CLTCL1: variants seen among roughly 807,000 people sequenced by gnomAD.
CLTCL1 encodes the protein clathrin heavy chain 2.
CLTCL1 carries 159 observed loss-of-function variants against 190.0 expected under a neutral mutation model. The ratio of observed to expected loss-of-function variants is 0.84; its 90% confidence interval spans 0.74 to 0.95. The LOEUF is 0.95. CLTCL1 is among the 40% of genes least tolerant of loss of function. The pLI, the probability that CLTCL1 is intolerant of heterozygous loss-of-function variation, is 0.00. For synonymous variants in CLTCL1, 752 were observed against 769.6 expected (o/e 0.98, Z 0.38); for missense variants, 1,878 against 2,033.4 (o/e 0.92, Z 1.47).
intron 2 of CLTCL1, among the ~76,000 whole-genome samples, chr22:19,256,529 G>A (rs1000037076): frequency 6.6e-5 from 10 of 151,334 alleles, no homozygotes; most frequent in South Asian, 2.1e-4. Context: ...CCTAATTTTC[G>A]CATTTTTTTG....
At chr22:19,286,491 A>G (rs1555990199) in intron 1 of CLTCL1, among the ~76,000 whole-genome samples, 1 of 152,206 alleles carries the variant, frequency 6.6e-6, no homozygotes, top group African/African-American at 2.4e-5. Context: ...CTGTCTTAGT[A>G]CATCAAAAAC....
chr22:19,252,217 G>T (rs1455368523), intron 3 of CLTCL1, among the ~76,000 whole-genome samples: 1 of 152,148 alleles, frequency 6.6e-6, no homozygotes, highest in Non-Finnish European at 1.5e-5. Flanking sequence ...ATCAATGATA[G>T]CATTTTTTCA....
At chr22:19,204,194 C>A (rs1440401049) in intron 22 of CLTCL1, among the ~76,000 whole-genome samples, 1 of 152,138 alleles carries the variant, frequency 6.6e-6, no homozygotes, top group East Asian at 1.9e-4. Context: ...AGAGCAGAAG[C>A]CAGAGAAGCC....
In CLTCL1 at chr22:19,196,121, G is replaced by A. The variant is rs2084694035; in HGVS notation, c.4191+145C>T. ...AGATGGAATTACTACCATCTGCCCA[G>A]AGGGTGGTGGACTCATACAAGTGAA... On this transcript the variant is annotated intron_variant, in intron 26 of 32. Coordinates refer to ENST00000427926, the MANE Select transcript of CLTCL1 (RefSeq NM_007098.4). The A allele has an allele frequency of 2.1e-5, 16 of 776,480 alleles. No homozygotes were observed. In the South Asian group the frequency reaches 2.6e-4, roughly 12 times the overall value. 48.1% of individuals were successfully genotyped at this position (776,480 alleles called of 1,614,324 possible). A position where few individuals can be genotyped will look rare whatever the true frequency, so the allele number is the denominator to read the frequency against.
At chr22:19,257,708 C>A in intron 2 of CLTCL1, 1 of 1,018,754 alleles carries the variant, frequency 9.8e-7, no homozygotes, top group South Asian at 1.3e-5. Context: ...GGTCCAGGGC[C>A]CTGGCCACTG....
chr22:19,209,179 T>G, intron 20 of CLTCL1, 65 bp from the exon 21 acceptor site: 1 of 1,425,712 alleles, frequency 7.0e-7, no homozygotes, highest in Admixed American at 2.4e-5. Flanking sequence ...ACAGACACAT[T>G]TTTGTTTGGT....
chr22:19,276,617 A>C (rs1187626781), intron 1 of CLTCL1, among the ~76,000 whole-genome samples: 1 of 152,108 alleles, frequency 6.6e-6, no homozygotes, highest in Non-Finnish European at 1.5e-5. Flanking sequence ...TATTTCTATA[A>C]ATTTCTCTGC....
At chr22:19,250,550 TTTAAC>T (rs1555969576) in intron 3 of CLTCL1, among the ~76,000 whole-genome samples, 1 of 89,494 alleles carries the variant, frequency 1.1e-5, no homozygotes, top group African/African-American at 4.3e-5. Context: ...TTCTATTTTT[TTTAAC>T]TTTTTTAATT....
intron 6 of CLTCL1, 23 bp from the exon 7 acceptor site, chr22:19,234,729 A>G (rs2086024629): frequency 1.9e-6 from 3 of 1,602,890 alleles, no homozygotes; most frequent in South Asian, 1.1e-5. Flanking sequence ...AACAAGTGAG[A>G]GCAGCCCGGC....
intron 2 of CLTCL1, chr22:19,258,503 C>G (rs2086839560): frequency 2.0e-6 from 1 of 508,892 alleles, no homozygotes; most frequent in Admixed American, 2.5e-5. Context: ...AGGTGGAGGC[C>G]TGCTATACCA....
intron 3 of CLTCL1, among the ~76,000 whole-genome samples, chr22:19,247,851 G>A (rs558132020): frequency 6.0e-4 from 91 of 152,014 alleles, no homozygotes; most frequent in South Asian, 4.2e-3. Flanking sequence ...GTGAGTCACC[G>A]TGCCTGGCCC....
chr22:19,219,110 T>C (rs1428755850), intron 18 of CLTCL1, among the ~76,000 whole-genome samples: 5 of 152,338 alleles, frequency 3.3e-5, no homozygotes, highest in African/African-American at 9.6e-5. Context: ...AAGCTATTTT[T>C]AGGCAAGCTA....
chr22:19,183,350 C>T, intron 30 of CLTCL1, 40 bp downstream of exon 30: 1 of 1,574,018 alleles, frequency 6.4e-7, no homozygotes, highest in East Asian at 2.3e-5. Context: ...TGGGTCATGC[C>T]ACACAGGGGC....
intron 2 of CLTCL1, among the ~76,000 whole-genome samples, chr22:19,259,777 A>C (rs1435333377): frequency 6.6e-6 from 1 of 152,124 alleles, no homozygotes; most frequent in Admixed American, 6.6e-5. Context: ...TTCCTTGCTA[A>C]AGGAAAGTGA....
intron 29 of CLTCL1, chr22:19,184,330 G>C (rs934727468): frequency 1.6e-5 from 6 of 385,494 alleles, no homozygotes; most frequent in African/African-American, 1.2e-4. Context: ...ACTGTGACCT[G>C]TGCTCTCCAG....
At chr22:19,189,918 TC>T in intron 27 of CLTCL1, among the ~76,000 whole-genome samples, 1 of 152,186 alleles carries the variant, frequency 6.6e-6, no homozygotes, top group South Asian at 2.1e-4. Context: ...ACATTTCAAA[TC>T]TTCTCCTTTA....
At chr22:19,217,332 G>A (rs1177211925) in intron 18 of CLTCL1, among the ~76,000 whole-genome samples, 2 of 152,062 alleles carry the variant, frequency 1.3e-5, no homozygotes, top group African/African-American at 4.8e-5. Flanking sequence ...TGAAAACCTT[G>A]GAGGCCGGCC....
chr22:19,244,806 A>G (rs1330629923), intron 3 of CLTCL1, among the ~76,000 whole-genome samples: 3 of 152,230 alleles, frequency 2.0e-5, no homozygotes, highest in East Asian at 3.8e-4. Context: ...AAATTTTGGT[A>G]AAGGCATGTT....
intron 3 of CLTCL1, among the ~76,000 whole-genome samples, chr22:19,245,376 TAG>T (rs1555967539): frequency 1.3e-5 from 2 of 151,884 alleles, no homozygotes; most frequent in Non-Finnish European, 2.9e-5. Context: ...GTCTTTTTAA[TAG>T]AGAGGGGGTT....
Sources: allele counts gnomAD v4.1 joint callset (sites outside exome capture counted in the v4.1 genomes callset), GRCh38; gene constraint gnomAD v4.1.1; transcripts MANE v1.5; gene names NCBI Gene and HGNC (gene_info 2026-07-23, HGNC 2026-07-21).